Variants in ADAMTSL1 observed in about 807,000 individuals in gnomAD.
The protein encoded by ADAMTSL1 is ADAMTS-like protein 1.
ADAMTSL1 carries 126 observed loss-of-function variants against 201.8 expected under a neutral mutation model. The observed-to-expected ratio is 0.62, with a 90% CI of 0.54 to 0.72. ADAMTSL1 has a LOEUF of 0.72. Ranked by LOEUF, ADAMTSL1 falls within the 30% of genes least tolerant of loss-of-function variation. The pLI is 0.00. For missense variants in ADAMTSL1, 2,679 were observed against 2,277.8 expected (o/e 1.18, Z -3.59); for synonymous variants, 1,121 against 903.4 (o/e 1.24, Z -4.32).
chr9:18,599,191 T>C (rs1023322596), intron 4 of ADAMTSL1, among the ~76,000 whole-genome samples: 1 of 152,198 alleles, frequency 6.6e-6, no homozygotes, highest in Non-Finnish European at 1.5e-5. Context: ...ACTCTTGGCT[T>C]TTTTATTTGA....
intron 2 of ADAMTSL1, among the ~76,000 whole-genome samples, chr9:18,521,443 C>T (rs969659390): frequency 6.6e-6 from 1 of 150,868 alleles, no homozygotes; most frequent in Non-Finnish European, 1.5e-5. Context: ...CTACTAGATA[C>T]CCACAAAAAT....
intron 14 of ADAMTSL1, among the ~76,000 whole-genome samples, chr9:18,712,377 G>A (rs906115705): frequency 2.8e-4 from 42 of 151,978 alleles, no homozygotes; most frequent in African/African-American, 1.0e-3. Context: ...TGTATAACTA[G>A]AATAACCAAT....
At position 18,168,277 on chromosome 9, in the gene ADAMTSL1, C is replaced by T. The variant is rs372676947; in HGVS notation, c.207+4296C>T. 2.6e-4 allele frequency among the ~76,000 whole-genome samples: 39 copies of T among 152,172 alleles called. 1 individual carries two copies. The South Asian group carries it at 8.1e-3, about 32-fold the overall frequency. On this transcript the variant is annotated intron_variant, in intron 2 of 29. Coordinates refer to the ADAMTSL1 transcript ENST00000680146. ...TATCCTTATGCTATCCCTCACCCCT[C>T]CCCCAACCCCACAAGGGTCCCTGGT...
At chr9:18,778,387 G>T (rs564249775) in intron 19 of ADAMTSL1, among the ~76,000 whole-genome samples, 2 of 152,238 alleles carry the variant, frequency 1.3e-5, no homozygotes, top group African/African-American at 4.8e-5. Context: ...GTGTATCTGT[G>T]CTGGACAAGG....
At chr9:17,960,471 G>C (rs769021186) in intron 1 of ADAMTSL1, among the ~76,000 whole-genome samples, 1 of 152,114 alleles carries the variant, frequency 6.6e-6, no homozygotes, top group Non-Finnish European at 1.5e-5. Flanking sequence ...AAGTCATAAT[G>C]CCTTAGAGAA....
intron 1 of ADAMTSL1, among the ~76,000 whole-genome samples, chr9:17,951,230 G>A (rs1229907706): frequency 6.6e-6 from 1 of 152,182 alleles, no homozygotes; most frequent in Non-Finnish European, 1.5e-5. Flanking sequence ...GAAAGGTAAA[G>A]AGATGTGTGG....
At position 17,956,197 on chromosome 9, in the gene ADAMTSL1, G is replaced by GT. The variant is rs532838407; in HGVS notation, c.87+49276dup. Among the ~76,000 whole-genome samples, 335 of 152,232 alleles carry GT rather than the reference G, an allele frequency of 2.2e-3. 1 individual carries two copies. The highest frequency in any genetic ancestry group is 7.7e-3 in the African/African-American group (318 of 41,544). The stretch of plus-strand genomic sequence containing the variant: ...CCTTGTAGTGCTTTTTGAAGTGGCT[G>GT]TAAGACCTTCTTTGGAGGTCTTCTG... On this transcript the variant is annotated intron_variant, in intron 1 of 29. Transcript: ENST00000680146.
intron 1 of ADAMTSL1, among the ~76,000 whole-genome samples, chr9:17,967,565 C>CA (rs963975590): frequency 6.6e-6 from 1 of 151,884 alleles, no homozygotes; most frequent in Admixed American, 6.6e-5. Flanking sequence ...ATATAGATGA[C>CA]AAAAAAGAGG....
chr9:18,414,534 G>A (rs147512267), intron 2 of ADAMTSL1, among the ~76,000 whole-genome samples: 2 of 152,230 alleles, frequency 1.3e-5, no homozygotes, highest in Non-Finnish European at 2.9e-5. Context: ...TTAAGAAACC[G>A]GATGTCAGGC....
intron 3 of ADAMTSL1, among the ~76,000 whole-genome samples, chr9:18,536,491 T>C (rs1481828337): frequency 6.6e-6 from 1 of 152,034 alleles, no homozygotes; most frequent in Non-Finnish European, 1.5e-5. Flanking sequence ...TTTAAAAATT[T>C]ATTGCCAACC....
At chr9:18,286,136 T>G (rs1420984361) in intron 2 of ADAMTSL1, among the ~76,000 whole-genome samples, 1 of 152,178 alleles carries the variant, frequency 6.6e-6, no homozygotes, top group Non-Finnish European at 1.5e-5. Flanking sequence ...AGGACAGTAC[T>G]CAAATCAACC....
At chr9:17,980,983 C>T (rs570777769) in intron 1 of ADAMTSL1, among the ~76,000 whole-genome samples, 1 of 152,240 alleles carries the variant, frequency 6.6e-6, no homozygotes, top group African/African-American at 2.4e-5. Flanking sequence ...GGGAAACTCT[C>T]CTGGGAATTA....
intron 1 of ADAMTSL1, among the ~76,000 whole-genome samples, chr9:17,992,672 T>C (rs1362294196): frequency 1.3e-5 from 2 of 152,100 alleles, no homozygotes; most frequent in South Asian, 2.1e-4. Flanking sequence ...GGGCCTGTAG[T>C]GGCCATGATC....
intron 2 of ADAMTSL1, among the ~76,000 whole-genome samples, chr9:18,453,210 G>C (rs181826724): frequency 5.5e-4 from 83 of 152,284 alleles, no homozygotes; most frequent in African/African-American, 1.9e-3. Flanking sequence ...GCTATAGCAA[G>C]GGTGGATGAG....
chr9:18,627,467 C>G (rs1826464088), intron 5 of ADAMTSL1, among the ~76,000 whole-genome samples: 3 of 152,220 alleles, frequency 2.0e-5, no homozygotes, highest in East Asian at 1.9e-4. Flanking sequence ...TTTTATGGTT[C>G]TGGGGGCGTC....
At chr9:18,022,584 A>G (rs1330760563) in intron 1 of ADAMTSL1, among the ~76,000 whole-genome samples, 2 of 152,112 alleles carry the variant, frequency 1.3e-5, no homozygotes, top group African/African-American at 4.8e-5. Flanking sequence ...TTAAAGCTGA[A>G]TACATGTTGA....
intron 3 of ADAMTSL1, among the ~76,000 whole-genome samples, chr9:18,572,509 C>G (rs761521384): frequency 6.6e-6 from 1 of 152,036 alleles, no homozygotes; most frequent in Non-Finnish European, 1.5e-5. Flanking sequence ...TATTCTTTTC[C>G]TCTGCTACTA....
At chr9:18,555,412 A>G (rs922034393) in intron 3 of ADAMTSL1, among the ~76,000 whole-genome samples, 1 of 151,934 alleles carries the variant, frequency 6.6e-6, no homozygotes, top group African/African-American at 2.4e-5. Context: ...ACTTAAAGCT[A>G]TTATTTTTAG....
chr9:18,150,456 G>A (rs774055926), intron 1 of ADAMTSL1, among the ~76,000 whole-genome samples: 2 of 152,028 alleles, frequency 1.3e-5, no homozygotes, highest in African/African-American at 2.4e-5. Context: ...TTTAGCCAGG[G>A]AAATTTTAGT....
Sources: allele counts gnomAD v4.1 joint callset (sites outside exome capture counted in the v4.1 genomes callset), GRCh38; gene constraint gnomAD v4.1.1; transcripts MANE v1.5; gene names NCBI Gene and HGNC (gene_info 2026-07-23, HGNC 2026-07-21).